CDC42EP3: variants seen among roughly 807,000 people sequenced by gnomAD.
The protein encoded by CDC42EP3 is CDC42 effector protein (Rho GTPase binding) 3.
A neutral mutation model predicts 15.5 loss-of-function variants in CDC42EP3; 4 were observed. The observed-to-expected ratio is 0.26, with a 90% CI of 0.13 to 0.59. The LOEUF (loss-of-function observed/expected upper bound fraction) is 0.59, where lower values mean the gene tolerates loss of function less well. Among genes scored for constraint, CDC42EP3 ranks in the 20% least tolerant of loss-of-function variants. The probability of loss-of-function intolerance (pLI) is 0.89; values close to 1 mark genes in which losing one functional copy is unlikely to be tolerated. For synonymous variants in CDC42EP3, 145 were observed against 130.3 expected (o/e 1.11, Z -0.77); for missense variants, 309 against 311.2 (o/e 0.99, Z 0.05).
chr2:37,658,117 A>AT (rs952530914), intron 1 of CDC42EP3, among the ~76,000 whole-genome samples: 1 of 152,088 alleles, frequency 6.6e-6, no homozygotes, highest in Non-Finnish European at 1.5e-5. Flanking sequence ...CTCCTCAACA[A>AT]TTCCCCCGGC....
upstream of CDC42EP3, chr2:37,672,623 C>T (rs968056599): frequency 2.6e-5 from 4 of 152,264 alleles, no homozygotes; most frequent in Non-Finnish European, 5.9e-5. Context: ...GCCTCCGTCT[C>T]TTCCTCCTCC....
chr2:37,666,831 G>T (rs1454937513), intron 1 of CDC42EP3, among the ~76,000 whole-genome samples: 3 of 149,528 alleles, frequency 2.0e-5, no homozygotes, highest in African/African-American at 4.9e-5. Context: ...TTTTTTTAAG[G>T]AAAGAAACAC....
At chr2:37,661,809 G>A (rs1384497104) in intron 1 of CDC42EP3, among the ~76,000 whole-genome samples, 2 of 152,114 alleles carry the variant, frequency 1.3e-5, no homozygotes, top group Non-Finnish European at 2.9e-5. Context: ...GTGATAAGTA[G>A]GGCCAATCTC....
Position 37,644,651 on chromosome 2 carries a change from C to A in CDC42EP3, c.*1172G>T, listed in dbSNP as rs1665385217. 1 of 150,668 alleles carries A rather than the reference C, an allele frequency of 6.6e-6. No homozygotes were observed. The allele number at this position is 150,668 out of a possible 1,614,324, so 9.3% of individuals were successfully genotyped here. ...AAAAAAAAAAAAAAATCTGACCTCA[C>A]ATGTTCATTTTTCCAAAAGTAGAGA... is the stretch of plus-strand genomic sequence containing the variant. On this transcript the variant is annotated 3_prime_UTR_variant, in exon 2 of 2. Transcript: ENST00000295324.
At chr2:37,648,108 G>A (rs557967577) in intron 1 of CDC42EP3, among the ~76,000 whole-genome samples, 1 of 152,370 alleles carries the variant, frequency 6.6e-6, no homozygotes, top group South Asian at 2.1e-4. Context: ...TAGGAGGGAT[G>A]AGCTACAAGG....
intron 1 of CDC42EP3, among the ~76,000 whole-genome samples, chr2:37,662,220 A>C (rs1666078405): frequency 6.6e-6 from 1 of 152,072 alleles, no homozygotes; most frequent in South Asian, 2.1e-4. Flanking sequence ...CCATGTAGTG[A>C]CTCCCTTTGG....
At chr2:37,654,271 T>C (rs934157565) in intron 1 of CDC42EP3, among the ~76,000 whole-genome samples, 2 of 152,048 alleles carry the variant, frequency 1.3e-5, no homozygotes, top group Non-Finnish European at 2.9e-5. Flanking sequence ...ACCTGGAACA[T>C]GTCCCCGCAT....
At chr2:37,665,752 C>G (rs1558343962) in intron 1 of CDC42EP3, among the ~76,000 whole-genome samples, 2 of 151,350 alleles carry the variant, frequency 1.3e-5, no homozygotes, top group Admixed American at 6.6e-5. Flanking sequence ...GCCTTCCACG[C>G]TTGCTCAGGC....
At chr2:37,672,727 G>A (rs1317316812), upstream of CDC42EP3, among the ~76,000 whole-genome samples, 1 of 152,226 alleles carries the variant, frequency 6.6e-6, no homozygotes, top group Non-Finnish European at 1.5e-5. Context: ...CAGGGGAGGG[G>A]GCTGGGACCC....
chr2:37,665,984 T>C lies in CDC42EP3; in HGVS notation c.-236+5442A>G, dbSNP rs748974244. ...ATTTGGGTCAGAGCTAAGACCAGAA[T>C]TGGTATTTTTTTAATCTCTATTTCT... is the stretch of plus-strand genomic sequence containing the variant. On this transcript the variant is annotated intron_variant, in intron 1 of 1. Coordinates refer to ENST00000295324, the MANE Select transcript of CDC42EP3 (RefSeq NM_006449.5). Among the ~76,000 whole-genome samples, 6 of 152,240 alleles carry C rather than the reference T, an allele frequency of 3.9e-5. No homozygotes were observed. The East Asian group carries it at 7.7e-4, about 20-fold the overall frequency.
Position 37,671,543 on chromosome 2 carries a change from C to A in CDC42EP3, c.-353G>T, listed in dbSNP as rs1199918004. ...GCGTGGTGCCTGCTCACCGCATTAT[C>A]CGCTCCGAGACGGCGTGAAGGCGCC... On this transcript the variant is annotated 5_prime_UTR_variant, in exon 1 of 2. Transcript: ENST00000295324. The A allele has an allele frequency of 2.6e-5, 4 of 152,324 alleles. No homozygotes were observed. The East Asian group carries it at 7.7e-4, about 29-fold the overall frequency. The allele number at this position is 152,324 out of a possible 1,614,324, so 9.4% of individuals were successfully genotyped here. A position where few individuals can be genotyped will look rare whatever the true frequency, so the allele number is the denominator to read the frequency against.
chr2:37,669,029 G>C (rs1188240972), intron 1 of CDC42EP3, among the ~76,000 whole-genome samples: 2 of 152,026 alleles, frequency 1.3e-5, no homozygotes, highest in African/African-American at 2.4e-5. Context: ...AGAAATACAG[G>C]TTCACAGGAT....
At chr2:37,671,370 C>A (rs914186169) in intron 1 of CDC42EP3, 56 bp downstream of exon 1, 2 of 152,332 alleles carry the variant, frequency 1.3e-5, no homozygotes, top group African/African-American at 4.8e-5. Flanking sequence ...CGGCCGCGGG[C>A]GGGACAGACT....
chr2:37,663,139 T>C (rs747260868), intron 1 of CDC42EP3, among the ~76,000 whole-genome samples: 16 of 152,190 alleles, frequency 1.1e-4, no homozygotes, highest in Non-Finnish European at 1.8e-4. Flanking sequence ...CACTCTGGCC[T>C]GGGCAACTGA....
chr2:37,672,583 C>T (rs1407133321), upstream of CDC42EP3: 1 of 152,198 alleles, frequency 6.6e-6, no homozygotes, highest in Non-Finnish European at 1.5e-5. Flanking sequence ...GAGCGTGAAC[C>T]GGGTTAATGA....
intron 1 of CDC42EP3, among the ~76,000 whole-genome samples, chr2:37,652,432 G>A (rs889712240): frequency 1.3e-5 from 2 of 152,154 alleles, no homozygotes; most frequent in African/African-American, 4.8e-5. Flanking sequence ...CCTCCTGGGT[G>A]TTCCACAACC....
At chr2:37,671,711 G>GCGCGGGGACT (rs1666429721), upstream of CDC42EP3, 1 of 151,108 alleles carries the variant, frequency 6.6e-6, no homozygotes, top group Non-Finnish European at 1.5e-5. Context: ...GGGGCCGGCG[G>GCGCGGGGACT]CGCGGGGACT....
At chr2:37,672,825 A>T (rs1666477348), upstream of CDC42EP3, among the ~76,000 whole-genome samples, 1 of 152,142 alleles carries the variant, frequency 6.6e-6, no homozygotes, top group Non-Finnish European at 1.5e-5. Context: ...AACCTCCCGG[A>T]TACCTTGGCT....
rs1327951927 is a variant in CDC42EP3, at chr2:37,645,097, C to T, written c.*726G>A. ...CACATACACAGCTTACAATGGAATC[C>T]CAATGGAAATAAGTGACAACATCTG... On this transcript the variant is annotated 3_prime_UTR_variant, in exon 2 of 2. Coordinates refer to ENST00000295324, the MANE Select transcript of CDC42EP3 (RefSeq NM_006449.5). The T allele has an allele frequency of 6.6e-6, 1 of 152,206 alleles. No individual in the cohort carries two copies. Among genetic ancestry groups the T allele is most frequent in the East Asian group, 1.9e-4 (1 of 5,194 alleles). 9.4% of individuals were successfully genotyped at this position (152,206 alleles called of 1,614,324 possible). A position where few individuals can be genotyped will look rare whatever the true frequency, so the allele number is the denominator to read the frequency against.
Sources: gnomAD v4.1 joint callset for allele counts (sites outside exome capture counted in the v4.1 genomes callset) on GRCh38, gnomAD v4.1.1 for gene constraint, MANE v1.5 for transcripts, NCBI Gene and HGNC (gene_info 2026-07-23, HGNC 2026-07-21) for gene names.